PCDHGA3: variants seen among roughly 807,000 people sequenced by gnomAD.
The protein encoded by PCDHGA3 is protocadherin gamma subfamily A, 3.
A neutral mutation model predicts 58.5 loss-of-function variants in PCDHGA3; 40 were observed. That is an observed-to-expected ratio of 0.68 (90% confidence interval 0.53 to 0.89). PCDHGA3 has a LOEUF of 0.89. PCDHGA3 is among the 40% of genes least tolerant of loss of function. The probability of loss-of-function intolerance (pLI) is 0.00; values close to 1 mark genes in which losing one functional copy is unlikely to be tolerated. For synonymous variants in PCDHGA3, 530 were observed against 525.7 expected (o/e 1.01, Z -0.11); for missense variants, 1,223 against 1,195.9 (o/e 1.02, Z -0.33).
chr5:141,423,927 T>A, intron 1 of PCDHGA3: 1 of 1,240,434 alleles, frequency 8.1e-7, no homozygotes, highest in Non-Finnish European at 1.0e-6. Context: ...TATGCTGGTT[T>A]GGTTTGAAGT....
Position 141,476,974 on chromosome 5 carries a change from C to G in PCDHGA3, c.2425-17833C>G. 1 of 1,614,268 alleles carries G rather than the reference C, an allele frequency of 6.2e-7. No homozygotes were observed. The highest frequency in any genetic ancestry group is 1.3e-5 in the African/African-American group (1 of 75,080). On this transcript the variant is annotated intron_variant, in intron 1 of 3. Coordinates refer to ENST00000253812, the MANE Select transcript of PCDHGA3 (RefSeq NM_018916.4). This position sits in a 1 kb window ranked among gnomAD's most constrained non-coding sequence, Gnocchi z 7.6. ...AAATTATTTACTCCTTCGGCAGCCA[C>G]AACCGCGCCGGCGTGCGGCAACTAT...
intron 1 of PCDHGA3, 96 bp from the exon 2 acceptor site, chr5:141,494,711 A>G (rs757105958): frequency 6.3e-7 from 1 of 1,599,616 alleles, no homozygotes; most frequent in Non-Finnish European, 8.5e-7. Flanking sequence ...CTCTGTGCCC[A>G]CTCCCCTCCT....
At chr5:141,356,028 C>A in intron 1 of PCDHGA3, 1 of 1,613,932 alleles carries the variant, frequency 6.2e-7, no homozygotes, top group Non-Finnish European at 8.5e-7. Context: ...CCAATGGAGA[C>A]GTGACGTATT....
At chr5:141,430,573 A>T (rs938248057) in intron 1 of PCDHGA3, 2 of 449,056 alleles carry the variant, frequency 4.5e-6, no homozygotes, top group Non-Finnish European at 7.6e-6. Flanking sequence ...AGAAAAGCGG[A>T]GATCCTGCTC....
chr5:141,378,924 G>A (rs1426450881), intron 1 of PCDHGA3: 5 of 152,202 alleles, frequency 3.3e-5, no homozygotes, highest in African/African-American at 1.2e-4. Flanking sequence ...TCAAAAGTAA[G>A]TTGATGGCCC....
chr5:141,487,392 G>A lies in PCDHGA3; in HGVS notation c.2425-7415G>A, dbSNP rs773126086. 2 of 1,614,176 alleles carry A rather than the reference G, an allele frequency of 1.2e-6. No individual in the cohort carries two copies. Among genetic ancestry groups the A allele is most frequent in the Non-Finnish European group, 1.7e-6 (2 of 1,180,024 alleles). On this transcript the variant is annotated intron_variant, in intron 1 of 3. Transcript: ENST00000253812. This position sits in a 1 kb window ranked among gnomAD's most constrained non-coding sequence, Gnocchi z 5.0. ...GCCTGTCTCACCAGATCTCGAAGGA[G>A]GGAGGGGCTTCCCCCTTCCAATGGG...
At chr5:141,370,913 C>T (rs1242230651) in intron 1 of PCDHGA3, 5 of 1,613,884 alleles carry the variant, frequency 3.1e-6, no homozygotes, top group African/African-American at 2.7e-5. Context: ...ACTACCTCAG[C>T]CCTGATCCGC....
At chr5:141,405,907 T>C (rs1471568204) in intron 1 of PCDHGA3, among the ~76,000 whole-genome samples, 2 of 152,218 alleles carry the variant, frequency 1.3e-5, no homozygotes, top group Non-Finnish European at 2.9e-5. Context: ...AGGAGGCATT[T>C]ATTAGTTATA....
Position 141,476,610 on chromosome 5 carries a change from G to A in PCDHGA3, c.2425-18197G>A, listed in dbSNP as rs769858609. ...GAGAGCGCGCACGATCCCGATGTGGGAAGCAACTCTTTACAAACCTATGAG... is the reference window on the plus strand; with the variant it reads ...GAGAGCGCGCACGATCCCGATGTGGAAAGCAACTCTTTACAAACCTATGAG... On this transcript the variant is annotated intron_variant, in intron 1 of 3. Coordinates refer to ENST00000253812, the MANE Select transcript of PCDHGA3 (RefSeq NM_018916.4). The surrounding 1 kb of genome is among the most constrained non-coding windows in gnomAD (Gnocchi z 7.6). The A allele has an allele frequency of 1.2e-6, 2 of 1,614,262 alleles. No homozygotes were observed. The highest frequency in any genetic ancestry group is 3.3e-5 in the Admixed American group (2 of 60,036).
Position 141,431,585 on chromosome 5 carries a change from G to A in PCDHGA3, c.2425-63222G>A. 6.2e-7 allele frequency: 1 copy of A among 1,614,204 alleles called. No individual in the cohort carries two copies. The highest frequency in any genetic ancestry group is 1.6e-4 in the Middle Eastern group (1 of 6,062). On this transcript the variant is annotated intron_variant, in intron 1 of 3. Transcript: ENST00000253812. This position sits in a 1 kb window ranked among gnomAD's most constrained non-coding sequence, Gnocchi z 4.8. ...CGACCCTGACGAAGGAGTCAATGCG[G>A]AAGTGAGGTATTCCTTCCGGTATGT...
intron 1 of PCDHGA3, chr5:141,383,918 TA>T: frequency 6.2e-7 from 1 of 1,613,948 alleles, no homozygotes; most frequent in Non-Finnish European, 8.5e-7. Flanking sequence ...GTTTTAGATG[TA>T]AATGATAATG....
chr5:141,371,193 A>T, intron 1 of PCDHGA3: 1 of 1,614,034 alleles, frequency 6.2e-7, no homozygotes. Flanking sequence ...AGTGATGGCC[A>T]TTGACATGGA....
chr5:141,502,667 T>G (rs2099815574), intron 2 of PCDHGA3, among the ~76,000 whole-genome samples: 1 of 152,236 alleles, frequency 6.6e-6, no homozygotes. Context: ...TTCATGCAAT[T>G]TTAGTATTCC....
intron 1 of PCDHGA3, chr5:141,426,420 C>T (rs2096934904): frequency 3.5e-6 from 1 of 287,972 alleles, no homozygotes; most frequent in Non-Finnish European, 6.9e-6. Flanking sequence ...TCCAGGGCTC[C>T]GTGGTGGGGA....
intron 1 of PCDHGA3, among the ~76,000 whole-genome samples, chr5:141,435,157 A>G (rs1387976305): frequency 6.6e-6 from 1 of 152,176 alleles, no homozygotes; most frequent in Non-Finnish European, 1.5e-5. Context: ...AAACTTTTGT[A>G]AATAGAGTGG....
intron 1 of PCDHGA3, chr5:141,442,112 C>CTCG (rs2098300474): frequency 6.0e-6 from 1 of 166,158 alleles, no homozygotes; most frequent in Admixed American, 6.5e-5. Context: ...ACTACCGCCC[C>CTCG]TCGTCGCCGA....
At chr5:141,355,202 T>C (rs774942581) in intron 1 of PCDHGA3, 105 of 1,597,250 alleles carry the variant, frequency 6.6e-5, no homozygotes, top group Non-Finnish European at 8.4e-5. Context: ...GGGGTTGTAA[T>C]GGCGGCGCCT....
intron 1 of PCDHGA3, among the ~76,000 whole-genome samples, chr5:141,349,445 T>TA (rs1758295156): frequency 6.6e-6 from 1 of 152,292 alleles, no homozygotes; most frequent in African/African-American, 2.4e-5. Flanking sequence ...TTCCACTTCA[T>TA]AAAAGCATGT....
At chr5:141,436,256 C>T (rs953463822) in intron 1 of PCDHGA3, among the ~76,000 whole-genome samples, 1 of 152,100 alleles carries the variant, frequency 6.6e-6, no homozygotes, top group South Asian at 2.1e-4. Context: ...TTATTCTGAC[C>T]TCTGCTCACC....
Sources: gnomAD v4.1 joint callset for allele counts (sites outside exome capture counted in the v4.1 genomes callset) on GRCh38, gnomAD v4.1.1 for gene constraint, Gnocchi (gnomAD v3.1) non-coding constraint, MANE v1.5 for transcripts, NCBI Gene and HGNC (gene_info 2026-07-23, HGNC 2026-07-21) for gene names.